The following LDB2 variants were observed in gnomAD, a reference collection of about 807,000 sequenced individuals.
LDB2 encodes LIM domain-binding protein 2.
A neutral mutation model predicts 44.3 loss-of-function variants in LDB2; 12 were observed. The ratio of observed to expected loss-of-function variants is 0.27; its 90% CI spans 0.17 to 0.44. The LOEUF (loss-of-function observed/expected upper bound fraction) is 0.44. Ranked by LOEUF, LDB2 falls within the 20% of genes least tolerant of loss-of-function variation. The pLI, the probability that LDB2 is intolerant of heterozygous loss-of-function variation, is 1.00. For missense variants in LDB2, 344 were observed against 473.5 expected (o/e 0.73, Z 2.54); for synonymous variants, 164 against 174.8 (o/e 0.94, Z 0.49).
At chr4:16,782,584 T>G (rs952433156) in intron 1 of LDB2, among the ~76,000 whole-genome samples, 2 of 152,118 alleles carry the variant, frequency 1.3e-5, no homozygotes, top group Admixed American at 6.5e-5. Flanking sequence ...TCTCCTGACC[T>G]TGTGATCCTC....
intron 1 of LDB2, among the ~76,000 whole-genome samples, chr4:16,824,794 T>C (rs916665653): frequency 6.6e-6 from 1 of 152,250 alleles, no homozygotes; most frequent in African/African-American, 2.4e-5. Context: ...GGGATTTCCT[T>C]AACTCAACAC....
At chr4:16,857,825 C>A (rs1159935252) in intron 1 of LDB2, among the ~76,000 whole-genome samples, 2 of 152,180 alleles carry the variant, frequency 1.3e-5, no homozygotes, top group Non-Finnish European at 2.9e-5. Flanking sequence ...TCTTTACTCT[C>A]TTTTCCCTTA....
intron 1 of LDB2, among the ~76,000 whole-genome samples, chr4:16,791,641 T>C (rs75463930): frequency 0.018 from 2,717 of 151,758 alleles, 91 homozygotes; most frequent in African/African-American, 0.063. Flanking sequence ...CCCCAGGCTT[T>C]AGATATTTTT....
intron 1 of LDB2, among the ~76,000 whole-genome samples, chr4:16,879,127 T>C (rs924894413): frequency 7.9e-5 from 12 of 152,210 alleles, no homozygotes; most frequent in Non-Finnish European, 1.5e-4. Context: ...CTGCTTGATA[T>C]AGATGTACCA....
chr4:16,883,681 C>T (rs897952630), intron 1 of LDB2, among the ~76,000 whole-genome samples: 1 of 152,206 alleles, frequency 6.6e-6, no homozygotes, highest in African/African-American at 2.4e-5. Flanking sequence ...TCTCCCTTGC[C>T]TCCCTGCCAC....
chr4:16,788,555 G>A (rs773903932), intron 1 of LDB2, among the ~76,000 whole-genome samples: 12 of 152,158 alleles, frequency 7.9e-5, no homozygotes, highest in Non-Finnish European at 1.6e-4. Flanking sequence ...TAAAAGGTGT[G>A]GGCCCCAAGC....
At chr4:16,618,559 G>A (rs1047286436) in intron 2 of LDB2, among the ~76,000 whole-genome samples, 4 of 152,108 alleles carry the variant, frequency 2.6e-5, no homozygotes, top group African/African-American at 4.8e-5. Flanking sequence ...ATATCCACAC[G>A]CACATATACA....
chr4:16,864,908 GA>G (rs1239356939), intron 1 of LDB2, among the ~76,000 whole-genome samples: 1 of 151,820 alleles, frequency 6.6e-6, no homozygotes, highest in Non-Finnish European at 1.5e-5. Flanking sequence ...CTGGGCAAAA[GA>G]GAGAAAAATC....
chr4:16,884,212 G>A (rs1278590130), intron 1 of LDB2, among the ~76,000 whole-genome samples: 2 of 152,148 alleles, frequency 1.3e-5, no homozygotes, highest in East Asian at 1.9e-4. Flanking sequence ...GACTGAATCC[G>A]TACTATGTAC....
At chr4:16,867,981 A>G (rs1233075993) in intron 1 of LDB2, among the ~76,000 whole-genome samples, 2 of 152,216 alleles carry the variant, frequency 1.3e-5, no homozygotes, top group African/African-American at 4.8e-5. Flanking sequence ...TATCCCTGAT[A>G]AAGTCCAGAC....
At chr4:16,642,623 C>T (rs1735513432) in intron 2 of LDB2, among the ~76,000 whole-genome samples, 1 of 152,180 alleles carries the variant, frequency 6.6e-6, no homozygotes, top group African/African-American at 2.4e-5. Context: ...CTTCAGGACC[C>T]TGTTCCTCCT....
chr4:16,602,836 C>T (rs1247856853), intron 2 of LDB2, among the ~76,000 whole-genome samples: 1 of 152,136 alleles, frequency 6.6e-6, no homozygotes, highest in African/African-American at 2.4e-5. Flanking sequence ...TCAAGCAATT[C>T]TTAGCATCAT....
chr4:16,572,208 A>G (rs888003501), intron 5 of LDB2, among the ~76,000 whole-genome samples: 1 of 151,946 alleles, frequency 6.6e-6, no homozygotes, highest in Non-Finnish European at 1.5e-5. Context: ...TGCCCTCCCC[A>G]TTTTCCTGAT....
At chr4:16,759,130 A>G (rs1292831626) in intron 2 of LDB2, 28 bp downstream of exon 2, 9 of 1,496,320 alleles carry the variant, frequency 6.0e-6, no homozygotes, top group Non-Finnish European at 8.4e-6. Flanking sequence ...AAACGAGGTA[A>G]TATTAGAAAA....
At chr4:16,772,433 G>A (rs531596084) in intron 1 of LDB2, among the ~76,000 whole-genome samples, 1 of 152,234 alleles carries the variant, frequency 6.6e-6, no homozygotes, top group African/African-American at 2.4e-5. Flanking sequence ...ATCTATCAAG[G>A]AGACACATTA....
intron 1 of LDB2, among the ~76,000 whole-genome samples, chr4:16,850,787 G>A (rs1580219511): frequency 3.9e-5 from 6 of 152,162 alleles, no homozygotes; most frequent in Admixed American, 3.9e-4. Context: ...GAACAAGATG[G>A]TGAGTTTGGT....
chr4:16,586,024 C>T lies in LDB2; in HGVS notation c.532-19G>A. The T allele has an allele frequency of 6.3e-7, 1 of 1,597,906 alleles. No homozygotes were observed. Among genetic ancestry groups the T allele is most frequent in the Non-Finnish European group, 8.6e-7 (1 of 1,165,502 alleles). ...CTTGTGCCTAAATGGAAAAAAAACC[C>T]CACATGTATTTTATCACTACAGGAC... On this transcript the variant is annotated intron_variant, in intron 4 of 7. Coordinates refer to ENST00000304523, the MANE Select transcript of LDB2 (RefSeq NM_001290.5).
intron 5 of LDB2, among the ~76,000 whole-genome samples, chr4:16,579,848 C>T (rs569812821): frequency 6.6e-6 from 1 of 152,146 alleles, no homozygotes; most frequent in East Asian, 1.9e-4. Context: ...TGGGTACTTA[C>T]GTGTCTTCAC....
chr4:16,833,275 T>C (rs570392806), intron 1 of LDB2, among the ~76,000 whole-genome samples: 2 of 152,226 alleles, frequency 1.3e-5, no homozygotes, highest in Non-Finnish European at 2.9e-5. Flanking sequence ...ATGAGATATA[T>C]GTCTAATTAA....
Sources: gnomAD v4.1 joint callset for allele counts (sites outside exome capture counted in the v4.1 genomes callset) on GRCh38, gnomAD v4.1.1 for gene constraint, MANE v1.5 for transcripts, NCBI Gene and HGNC (gene_info 2026-07-23, HGNC 2026-07-21) for gene names.